Variants in NPNT observed in about 807,000 individuals in gnomAD.
NPNT encodes the protein nephronectin.
A neutral mutation model predicts 68.6 loss-of-function variants in NPNT; 45 were observed. That is an observed-to-expected ratio of 0.66 (90% CI 0.52 to 0.84). The LOEUF is 0.84. NPNT is among the 40% of genes least tolerant of loss of function. The pLI, the probability that NPNT is intolerant of heterozygous loss-of-function variation, is 0.00. For synonymous variants in NPNT, 233 were observed against 253.3 expected, an observed-to-expected ratio of 0.92 and a Z score of 0.76; for missense variants, 672 against 714.8, an observed-to-expected ratio of 0.94 and a Z score of 0.68.
At chr4:105,929,079 G>A (rs1321390563) in intron 3 of NPNT, among the ~76,000 whole-genome samples, 2 of 151,930 alleles carry the variant, frequency 1.3e-5, no homozygotes, top group Admixed American at 6.6e-5. Flanking sequence ...TTCAAGCCCT[G>A]CATGCATTAG....
chr4:105,941,418 T>TA lies in NPNT; in HGVS notation c.763+783dup, dbSNP rs1238864954. ...AGAACTGTTTTGCTTTTAAAATTTT[T>TA]ATAAGTTTTATTTGGAGTAGTGGTT... On this transcript the variant is annotated intron_variant, in intron 7 of 11. Coordinates refer to ENST00000379987, the MANE Select transcript of NPNT (RefSeq NM_001033047.3). Among the ~76,000 whole-genome samples the TA allele has an allele frequency of 3.3e-5, 5 of 152,332 alleles. No individual in the cohort carries two copies. In the South Asian group the frequency reaches 8.3e-4, roughly 25 times the overall value.
chr4:105,960,099 C>T (rs1057066207), intron 10 of NPNT, among the ~76,000 whole-genome samples: 33 of 152,112 alleles, frequency 2.2e-4, no homozygotes, highest in African/African-American at 7.2e-4. Flanking sequence ...CGTGAGCCAC[C>T]GCGCCCAGCC....
intron 2 of NPNT, among the ~76,000 whole-genome samples, chr4:105,921,006 C>T (rs6856503): frequency 9.9e-5 from 15 of 152,076 alleles, no homozygotes; most frequent in African/African-American, 3.4e-4. Flanking sequence ...CCAGCATCTA[C>T]ATAAAACAAG....
At chr4:105,897,778 C>A in intron 1 of NPNT, 123 bp from the exon 2 acceptor site, 1 of 725,184 alleles carries the variant, frequency 1.4e-6, no homozygotes, top group Non-Finnish European at 2.4e-6. Context: ...TTTCTGCAGG[C>A]ATAAAAGAGT....
At chr4:105,939,680 A>T (rs1425080962) in intron 5 of NPNT, among the ~76,000 whole-genome samples, 1 of 152,150 alleles carries the variant, frequency 6.6e-6, no homozygotes. Context: ...GGCTTCAAAT[A>T]GGGTAGTGGT....
At chr4:105,943,432 G>A (rs1158923264) in intron 8 of NPNT, among the ~76,000 whole-genome samples, 1 of 152,126 alleles carries the variant, frequency 6.6e-6, no homozygotes, top group Non-Finnish European at 1.5e-5. Flanking sequence ...GAGAGAAGCT[G>A]GACAGCTACC....
In NPNT at chr4:105,904,815, G is replaced by C. The variant is rs1726748738; in HGVS notation, c.172+6814G>C. Among the ~76,000 whole-genome samples the C allele has an allele frequency of 2.0e-5, 3 of 152,000 alleles. No homozygotes were observed. In the South Asian group the frequency reaches 6.2e-4, roughly 32 times the overall value. On this transcript the variant is annotated intron_variant, in intron 2 of 11. Coordinates refer to ENST00000379987, the MANE Select transcript of NPNT (RefSeq NM_001033047.3). ...CTGCCTCACTCTCTCTCGAGTAGTT[G>C]GGATTACAGGTGTACACCACCACAC...
chr4:105,924,942 G>A (rs769477676), intron 2 of NPNT, among the ~76,000 whole-genome samples: 2 of 151,814 alleles, frequency 1.3e-5, no homozygotes, highest in Admixed American at 1.3e-4. Flanking sequence ...TTTCAATATG[G>A]CATTCTGTGT....
intron 2 of NPNT, chr4:105,912,649 C>T: frequency 2.8e-6 from 2 of 703,726 alleles, no homozygotes; most frequent in Non-Finnish European, 3.5e-6. Flanking sequence ...TGGAACAATT[C>T]AGGTAAGAAA....
intron 2 of NPNT, among the ~76,000 whole-genome samples, chr4:105,913,505 G>T (rs1426447515): frequency 1.3e-5 from 2 of 152,146 alleles, no homozygotes; most frequent in African/African-American, 4.8e-5. Context: ...CTGCAATGTT[G>T]TAATCTTTAA....
At chr4:105,920,083 A>G (rs1277353257) in intron 2 of NPNT, among the ~76,000 whole-genome samples, 1 of 152,084 alleles carries the variant, frequency 6.6e-6, no homozygotes, top group African/African-American at 2.4e-5. Context: ...CTTCCTATTT[A>G]GAATCACTTC....
intron 2 of NPNT, among the ~76,000 whole-genome samples, chr4:105,899,155 G>A (rs527253728): frequency 6.6e-6 from 1 of 152,296 alleles, no homozygotes; most frequent in East Asian, 1.9e-4. Context: ...TTTTGTGAAA[G>A]AGGGACAGTG....
At chr4:105,931,782 G>A (rs1729131354) in intron 3 of NPNT, among the ~76,000 whole-genome samples, 1 of 152,026 alleles carries the variant, frequency 6.6e-6, no homozygotes, top group Non-Finnish European at 1.5e-5. Flanking sequence ...GGAGCTTGCA[G>A]TGAGCCAAGA....
At chr4:105,921,043 T>C (rs993180259) in intron 2 of NPNT, among the ~76,000 whole-genome samples, 1 of 152,196 alleles carries the variant, frequency 6.6e-6, no homozygotes, top group Non-Finnish European at 1.5e-5. Context: ...TTATTTTCTT[T>C]TCAAATATTC....
At chr4:105,944,967 A>G (rs1399332476) in intron 8 of NPNT, among the ~76,000 whole-genome samples, 1 of 152,234 alleles carries the variant, frequency 6.6e-6, no homozygotes, top group African/African-American at 2.4e-5. Context: ...TCTTTACTGA[A>G]TATTTTCTTC....
chr4:105,950,367 GT>G (rs1325560363), intron 8 of NPNT, among the ~76,000 whole-genome samples: 3 of 151,920 alleles, frequency 2.0e-5, no homozygotes, highest in Admixed American at 1.3e-4. Context: ...ATCTTAAGAT[GT>G]AGATTCCTAA....
rs1271127035 is a variant in NPNT, at chr4:105,914,025, A to G, written c.173-13311A>G. 3.3e-5 allele frequency among the ~76,000 whole-genome samples: 5 copies of G among 152,190 alleles called. No homozygotes were observed. The East Asian group carries it at 9.7e-4, about 29-fold the overall frequency. On this transcript the variant is annotated intron_variant, in intron 2 of 11. Transcript: ENST00000379987. ...GGGAAGATACAAAGGTGAATAAAAC[A>G]GGGACCCTTACTTTCAAGCAACTCA...
intron 2 of NPNT, among the ~76,000 whole-genome samples, chr4:105,902,267 TCCA>T (rs1726482063): frequency 6.6e-6 from 1 of 152,244 alleles, no homozygotes; most frequent in South Asian, 2.1e-4. Context: ...TAGTGTTCCC[TCCA>T]CAGAGAGGTT....
At position 105,971,210 on chromosome 4, in the gene NPNT, CCTG is replaced by C; in HGVS notation, c.*2222_*2224del. On this transcript the variant is annotated 3_prime_UTR_variant, in exon 12 of 12. Coordinates refer to ENST00000379987, the MANE Select transcript of NPNT (RefSeq NM_001033047.3). ...TATCTTGGCTGCTGAGAAAGAGTGC[CCTG>C]CCCCACACCGGCAGACCTTTCCTTC... 1 of 453,828 alleles carries C rather than the reference CCTG, an allele frequency of 2.2e-6. No individual in the cohort carries two copies. 28.1% of individuals were successfully genotyped at this position (453,828 alleles called of 1,614,324 possible).
Sources: gnomAD v4.1 joint callset for allele counts (sites outside exome capture counted in the v4.1 genomes callset) on GRCh38, gnomAD v4.1.1 for gene constraint, MANE v1.5 for transcripts, NCBI Gene and HGNC (gene_info 2026-07-23, HGNC 2026-07-21) for gene names.